SEMA6D: variants seen among roughly 807,000 people sequenced by gnomAD.
SEMA6D encodes the protein semaphorin 6D.
Under a neutral mutation model 106.6 loss-of-function variants are expected in SEMA6D, and 35 were observed. The ratio of observed to expected loss-of-function variants is 0.33; its 90% CI spans 0.25 to 0.44. The LOEUF is 0.44. Ranked by LOEUF, SEMA6D falls within the 20% of genes least tolerant of loss-of-function variation. The pLI is 1.00. For synonymous variants in SEMA6D, 499 were observed against 487.7 expected (o/e 1.02, Z -0.31); for missense variants, 1,185 against 1,345.9 (o/e 0.88, Z 1.87).
chr15:47,289,272 T>A (rs1048798762), intron 1 of SEMA6D, among the ~76,000 whole-genome samples: 3 of 150,962 alleles, frequency 2.0e-5, no homozygotes, highest in African/African-American at 4.9e-5. Context: ...CCTGCACCTG[T>A]AATCCCAGCT....
chr15:47,289,897 G>A (rs971558736), intron 1 of SEMA6D, among the ~76,000 whole-genome samples: 17 of 151,656 alleles, frequency 1.1e-4, no homozygotes, highest in African/African-American at 4.1e-4. Flanking sequence ...TGCTTGAGGG[G>A]TGGGGAGTGC....
In SEMA6D at chr15:47,352,399, T is replaced by C. The variant is rs182948857; in HGVS notation, c.-238-59994T>C. Among the ~76,000 whole-genome samples the C allele has an allele frequency of 8.5e-5, 13 of 152,296 alleles. No homozygotes were observed. In the East Asian group the frequency reaches 2.5e-3, roughly 29 times the overall value. Reference sequence around the variant, plus strand: ...TTTATCTTTAACAAGCTGTCTTATCTTTACTACCCTGCCTTGGAAACTCAA... The same window carrying C: ...TTTATCTTTAACAAGCTGTCTTATCCTTACTACCCTGCCTTGGAAACTCAA... On this transcript the variant is annotated intron_variant, in intron 1 of 19. Transcript: ENST00000558014.
chr15:47,519,583 T>C (rs754835924), intron 3 of SEMA6D, among the ~76,000 whole-genome samples: 3 of 152,130 alleles, frequency 2.0e-5, no homozygotes, highest in Non-Finnish European at 4.4e-5. Context: ...TAATCAGCAA[T>C]AAATCATTGT....
At chr15:47,229,000 A>C (rs1179183324) in intron 1 of SEMA6D, among the ~76,000 whole-genome samples, 1 of 152,068 alleles carries the variant, frequency 6.6e-6, no homozygotes, top group African/African-American at 2.4e-5. Context: ...TGGATGGGCC[A>C]TGAGAGATCG....
intron 4 of SEMA6D, among the ~76,000 whole-genome samples, chr15:47,677,010 C>T (rs2078259684): frequency 6.6e-6 from 1 of 152,092 alleles, no homozygotes; most frequent in Admixed American, 6.5e-5. Context: ...AGAGTACAAC[C>T]TAGATCCCTT....
intron 4 of SEMA6D, among the ~76,000 whole-genome samples, chr15:47,653,459 A>G (rs560676011): frequency 7.2e-5 from 11 of 152,220 alleles, no homozygotes; most frequent in Non-Finnish European, 7.3e-5. Flanking sequence ...CTTTCATAGC[A>G]AGACCTTTAG....
chr15:47,198,082 G>C (rs1454834), intron 1 of SEMA6D, among the ~76,000 whole-genome samples: 52,439 of 151,862 alleles, frequency 0.35, 10,592 homozygotes, highest in Non-Finnish European at 0.45. Flanking sequence ...GTGGCTGAAT[G>C]GTACTCCATT....
chr15:47,534,767 C>G (rs1220845588), intron 3 of SEMA6D, among the ~76,000 whole-genome samples: 1 of 151,948 alleles, frequency 6.6e-6, no homozygotes, highest in African/African-American at 2.4e-5. Flanking sequence ...CTATCTCATG[C>G]TCCCTTACCT....
At chr15:47,382,364 G>A (rs946703194) in intron 1 of SEMA6D, among the ~76,000 whole-genome samples, 1 of 152,050 alleles carries the variant, frequency 6.6e-6, no homozygotes, top group Non-Finnish European at 1.5e-5. Flanking sequence ...AAAAAAATTA[G>A]CCAGGCATGG....
intron 3 of SEMA6D, among the ~76,000 whole-genome samples, chr15:47,593,811 A>G (rs373902882): frequency 1.3e-5 from 2 of 152,162 alleles, no homozygotes; most frequent in African/African-American, 4.8e-5. Flanking sequence ...ACGTGGCTGG[A>G]GTGGAAGCAA....
At chr15:47,264,008 T>C (rs1244086183) in intron 1 of SEMA6D, among the ~76,000 whole-genome samples, 1 of 151,788 alleles carries the variant, frequency 6.6e-6, no homozygotes, top group Non-Finnish European at 1.5e-5. Context: ...TAGAATACTA[T>C]GTGGCCATAA....
At chr15:47,242,579 G>T (rs1202051193) in intron 1 of SEMA6D, among the ~76,000 whole-genome samples, 1 of 152,148 alleles carries the variant, frequency 6.6e-6, no homozygotes. Context: ...TTGGGGGTCA[G>T]GCTTGAAGTT....
chr15:47,768,803 G>A (rs893027317), intron 18 of SEMA6D, 55 bp downstream of exon 18: 5 of 1,536,238 alleles, frequency 3.3e-6, no homozygotes, highest in Non-Finnish European at 3.5e-6. Flanking sequence ...GATCCTTAAT[G>A]TCACTGAGGA....
intron 1 of SEMA6D, among the ~76,000 whole-genome samples, chr15:47,343,871 T>G (rs188458982): frequency 1.2e-3 from 189 of 152,044 alleles, no homozygotes; most frequent in African/African-American, 4.5e-3. Context: ...GAATCTACAA[T>G]GAACTCAAAC....
At chr15:47,751,110 C>A (rs748732277) in intron 1 of SEMA6D, among the ~76,000 whole-genome samples, 2 of 151,980 alleles carry the variant, frequency 1.3e-5, no homozygotes, top group African/African-American at 2.4e-5. Context: ...GAAAGAAGGC[C>A]TGCAATTCAG....
intron 4 of SEMA6D, among the ~76,000 whole-genome samples, chr15:47,648,413 T>G (rs1212951429): frequency 6.6e-6 from 1 of 152,154 alleles, no homozygotes; most frequent in Non-Finnish European, 1.5e-5. Context: ...GGTTCCCATC[T>G]TGCACCCTGA....
At chr15:47,704,342 T>G (rs908443074) in intron 4 of SEMA6D, among the ~76,000 whole-genome samples, 10 of 152,188 alleles carry the variant, frequency 6.6e-5, no homozygotes, top group African/African-American at 2.4e-4. Context: ...CTTTATATTT[T>G]TAAAATATTT....
intron 1 of SEMA6D, among the ~76,000 whole-genome samples, chr15:47,317,767 G>A (rs1323138929): frequency 6.6e-6 from 1 of 151,816 alleles, no homozygotes; most frequent in African/African-American, 2.4e-5. Flanking sequence ...TTTTCTCTCT[G>A]GCTACTTTCA....
intron 4 of SEMA6D, among the ~76,000 whole-genome samples, chr15:47,601,270 T>C (rs142533957): frequency 6.6e-6 from 1 of 152,126 alleles, no homozygotes; most frequent in East Asian, 1.9e-4. Context: ...AAGCCTATTT[T>C]GGAAGAATTA....
Sources: allele counts gnomAD v4.1 joint callset (sites outside exome capture counted in the v4.1 genomes callset), GRCh38; gene constraint gnomAD v4.1.1; transcripts MANE v1.5; gene names NCBI Gene and HGNC (gene_info 2026-07-23, HGNC 2026-07-21).